Variants in SLC7A6 observed in about 807,000 individuals in gnomAD.
The protein encoded by SLC7A6 is solute carrier family 7 member 6.
Under a neutral mutation model 46.6 loss-of-function variants are expected in SLC7A6, and 29 were observed. The observed-to-expected ratio is 0.62, with a 90% CI of 0.46 to 0.85. The LOEUF is 0.85. Ranked by LOEUF, SLC7A6 falls within the 40% of genes least tolerant of loss-of-function variation. The probability of loss-of-function intolerance (pLI) is 0.00; values close to 1 mark genes in which losing one functional copy is unlikely to be tolerated. For synonymous variants in SLC7A6, 276 were observed against 257.3 expected (o/e 1.07, Z -0.70); for missense variants, 527 against 647.6 (o/e 0.81, Z 2.02).
chr16:68,291,260 C>T lies in SLC7A6; in HGVS notation c.846C>T (p.Tyr282=), dbSNP rs755547975. ...CTATGCCAATTGTGACGCTCATCTA[C>T]ATCCTGACCAATGTGGCCTATTACA... ...GISMPIVTLI[Y]ILTNVAYYTV... Residue 282 remains tyrosine (Y), a synonymous_variant, in exon 6 of 11, where the codon TAC becomes TAT. Coordinates refer to ENST00000219343, the MANE Select transcript of SLC7A6 (RefSeq NM_003983.6). 9 of 1,614,254 alleles carry T rather than the reference C, an allele frequency of 5.6e-6. No individual in the cohort carries two copies. Among genetic ancestry groups the T allele is most frequent in the Non-Finnish European group, 7.6e-6 (9 of 1,180,044 alleles).
chr16:68,296,845 C>T, intron 10 of SLC7A6, 35 bp downstream of exon 10: 1 of 1,610,020 alleles, frequency 6.2e-7, no homozygotes, highest in Non-Finnish European at 8.5e-7. Flanking sequence ...TCACTGGCGG[C>T]TATGTGTGCA....
At chr16:68,270,262 C>A (rs1256900841) in intron 2 of SLC7A6, among the ~76,000 whole-genome samples, 1 of 152,100 alleles carries the variant, frequency 6.6e-6, no homozygotes, top group Non-Finnish European at 1.5e-5. Flanking sequence ...TTTCTGGGTG[C>A]TCCTGCCCTT....
At position 68,274,791 on chromosome 16, in the gene SLC7A6, C is replaced by T. The variant is rs1344139394; in HGVS notation, c.65C>T (p.Ser22Phe). 2 of 1,614,066 alleles carry T rather than the reference C, an allele frequency of 1.2e-6. No individual in the cohort carries two copies. The highest frequency in any genetic ancestry group is 1.7e-6 in the Non-Finnish European group (2 of 1,180,034). The stretch of plus-strand genomic sequence containing the variant: ...CATCTTGTCCCTAACACCAGCCAGT[C>T]CCAGGTGGAAGAAGATGTCAGCTCG... ...TYHLVPNTSQ[S>F]QVEEDVSSPP... is the part of the protein sequence containing the mutation. The change falls in exon 3 of 11, where the codon TCC (serine) becomes TTC (phenylalanine). Residue 22 changes from serine (S) to phenylalanine (F), a missense_variant. Coordinates refer to ENST00000219343, the MANE Select transcript of SLC7A6 (RefSeq NM_003983.6).
intron 3 of SLC7A6, among the ~76,000 whole-genome samples, chr16:68,286,551 C>A (rs1283981338): frequency 6.6e-6 from 1 of 152,094 alleles, no homozygotes; most frequent in East Asian, 1.9e-4. Flanking sequence ...TTGAGGTGCA[C>A]ATAAAAGTTC....
At chr16:68,266,966 A>C in intron 2 of SLC7A6, among the ~76,000 whole-genome samples, 1 of 151,738 alleles carries the variant, frequency 6.6e-6, no homozygotes, top group Non-Finnish European at 1.5e-5. Flanking sequence ...ACAGTGTCTC[A>C]CTCTGTCACC....
At chr16:68,280,159 A>G (rs948454556) in intron 3 of SLC7A6, among the ~76,000 whole-genome samples, 1 of 152,240 alleles carries the variant, frequency 6.6e-6, no homozygotes, top group Non-Finnish European at 1.5e-5. Context: ...CACGAAACCA[A>G]TTAGGTTATT....
chr16:68,296,345 C>T lies in SLC7A6; in HGVS notation c.1120-19C>T. ...AGGTGGTGACGATGCTCACCTGTCT[C>T]CCCACCCCTTTCCCACAGTGCACCA... On this transcript the variant is annotated intron_variant, in intron 8 of 10. Coordinates refer to ENST00000219343, the MANE Select transcript of SLC7A6 (RefSeq NM_003983.6). The T allele has an allele frequency of 6.2e-7, 1 of 1,613,496 alleles. No individual in the cohort carries two copies. The highest frequency in any genetic ancestry group is 2.2e-5 in the East Asian group (1 of 44,872).
At chr16:68,275,871 T>C (rs1192213407) in intron 3 of SLC7A6, among the ~76,000 whole-genome samples, 1 of 152,096 alleles carries the variant, frequency 6.6e-6, no homozygotes, top group East Asian at 1.9e-4. Flanking sequence ...GCTGTTTCGA[T>C]TGAAGTCAAC....
chr16:68,289,744 G>C (rs55675218), intron 4 of SLC7A6, among the ~76,000 whole-genome samples: 20,446 of 152,076 alleles, frequency 0.13, 1,451 homozygotes, highest in African/African-American at 0.17. Context: ...GGCTGGGCTG[G>C]CTCCCCGGAG....
chr16:68,300,602 A>G lies in SLC7A6; in HGVS notation c.*3274A>G, dbSNP rs1227779421. On this transcript the variant is annotated 3_prime_UTR_variant, in exon 11 of 11. Transcript: ENST00000219343. The stretch of plus-strand genomic sequence containing the variant: ...GATATTCAGATTTAAAAGGTTTTCA[A>G]AGAATTACTTTCTTCCATGTTCAAA... The G allele has an allele frequency of 1.0e-6, 1 of 984,140 alleles. No homozygotes were observed. The highest frequency in any genetic ancestry group is 1.2e-6 in the Non-Finnish European group (1 of 828,868). The allele number at this position is 984,140 out of a possible 1,614,324, so 61.0% of individuals were successfully genotyped here. A position where few individuals can be genotyped will look rare whatever the true frequency, so the allele number is the denominator to read the frequency against.
chr16:68,268,889 C>T (rs2042578889), intron 2 of SLC7A6, among the ~76,000 whole-genome samples: 1 of 152,100 alleles, frequency 6.6e-6, no homozygotes, highest in African/African-American at 2.4e-5. Context: ...TGCCTGTAAT[C>T]CCAGCTACTC....
chr16:68,280,064 A>G (rs2151219898), intron 3 of SLC7A6, among the ~76,000 whole-genome samples: 1 of 152,366 alleles, frequency 6.6e-6, no homozygotes, highest in South Asian at 2.1e-4. Context: ...TTGCAGTATC[A>G]GGCTTTCAAC....
Position 68,300,840 on chromosome 16 carries a change from T to C in SLC7A6, c.*3512T>C. 3 of 987,164 alleles carry C rather than the reference T, an allele frequency of 3.0e-6. No individual in the cohort carries two copies. The highest frequency in any genetic ancestry group is 3.6e-6 in the Non-Finnish European group (3 of 831,186). 61.2% of individuals were successfully genotyped at this position (987,164 alleles called of 1,614,324 possible). A position where few individuals can be genotyped will look rare whatever the true frequency, so the allele number is the denominator to read the frequency against. ...CTACAAGGGACCCACTGGTACCCCT[T>C]TTAGATTCTATCAAAAGGAACAGGG... On this transcript the variant is annotated 3_prime_UTR_variant, in exon 11 of 11. Transcript: ENST00000219343.
At chr16:68,272,530 C>T (rs1487322196) in intron 2 of SLC7A6, among the ~76,000 whole-genome samples, 1 of 152,200 alleles carries the variant, frequency 6.6e-6, no homozygotes, top group Non-Finnish European at 1.5e-5. Flanking sequence ...AGTCCTTAAC[C>T]TTCCAGCAGG....
chr16:68,279,841 G>T (rs539737326), intron 3 of SLC7A6, among the ~76,000 whole-genome samples: 2 of 152,180 alleles, frequency 1.3e-5, no homozygotes, highest in Non-Finnish European at 2.9e-5. Flanking sequence ...GTGTGGGCCC[G>T]CCAGCCTCTT....
In SLC7A6 at chr16:68,275,089, C is replaced by T; in HGVS notation, c.363C>T (p.Gly121=). The change falls in exon 3 of 11, where the codon GGC becomes GGT. Residue 121 remains glycine (G), a synonymous_variant. Transcript: ENST00000219343. Reference sequence around the variant, plus strand: ...CTTATATTCTAGAGGCCTTTGGGGGCTTCATTGCCTTCATCCGCCTGTGGG... The same window carrying T: ...CTTATATTCTAGAGGCCTTTGGGGGTTTCATTGCCTTCATCCGCCTGTGGG... ...SYAYILEAFG[G]FIAFIRLWVS... 6.2e-7 allele frequency: 1 copy of T among 1,614,166 alleles called. No individual in the cohort carries two copies. Among genetic ancestry groups the T allele is most frequent in the South Asian group, 1.1e-5 (1 of 91,088 alleles).
Position 68,301,402 on chromosome 16 carries a change from G to A in SLC7A6, c.*4074G>A. 6.2e-7 allele frequency: 1 copy of A among 1,613,920 alleles called. No individual in the cohort carries two copies. Among genetic ancestry groups the A allele is most frequent in the South Asian group, 1.1e-5 (1 of 91,046 alleles). On this transcript the variant is annotated 3_prime_UTR_variant, in exon 11 of 11. Transcript: ENST00000219343. ...CTCACTCAGGCTGTTGTAGTCAGCA[G>A]AGCCTAGAATGACATCCCGGGAGTG...
At chr16:68,269,449 C>T (rs2042587857) in intron 2 of SLC7A6, among the ~76,000 whole-genome samples, 1 of 152,156 alleles carries the variant, frequency 6.6e-6, no homozygotes, top group Non-Finnish European at 1.5e-5. Context: ...AACTCCTAGT[C>T]AGGAGACAGT....
At position 68,301,528 on chromosome 16, in the gene SLC7A6, A is replaced by C; in HGVS notation, c.*4200A>C. The C allele has an allele frequency of 4.3e-6, 3 of 696,650 alleles. No individual in the cohort carries two copies. In the South Asian group the frequency reaches 8.2e-5, roughly 19 times the overall value. 43.2% of individuals were successfully genotyped at this position (696,650 alleles called of 1,614,324 possible). A position where few individuals can be genotyped will look rare whatever the true frequency, so the allele number is the denominator to read the frequency against. ...TGTAATGCAAAATCCTTGCTCAATA[A>C]ATAAAAAAGAATATAGAATTCTTTT... is the stretch of plus-strand genomic sequence containing the variant. On this transcript the variant is annotated 3_prime_UTR_variant, in exon 11 of 11. Coordinates refer to ENST00000219343, the MANE Select transcript of SLC7A6 (RefSeq NM_003983.6).
Sources: allele counts gnomAD v4.1 joint callset (sites outside exome capture counted in the v4.1 genomes callset), GRCh38; gene constraint gnomAD v4.1.1; transcripts MANE v1.5; gene names NCBI Gene and HGNC (gene_info 2026-07-23, HGNC 2026-07-21).